Variants in PCNX3 observed in about 807,000 individuals in gnomAD.
The protein encoded by PCNX3 is pecanex 3.
A neutral mutation model predicts 207.2 loss-of-function variants in PCNX3; 58 were observed. The observed-to-expected ratio is 0.28, with a 90% CI of 0.23 to 0.35. The LOEUF is 0.35. Ranked by LOEUF, PCNX3 falls within the 10% of genes least tolerant of loss-of-function variation. PCNX3 has a pLI of 1.00. For missense variants in PCNX3, 2,410 were observed against 2,774.4 expected (o/e 0.87, Z 2.95); for synonymous variants, 1,337 against 1,183.5 (o/e 1.13, Z -2.66).
chr11:65,624,148 G>A, intron 13 of PCNX3, 47 bp from the exon 14 acceptor site: 1 of 1,578,016 alleles, frequency 6.3e-7, no homozygotes, highest in Non-Finnish European at 8.6e-7. Flanking sequence ...TGTGTCAGAG[G>A]TGTGGCCAGT....
chr11:65,616,311 C>T lies in PCNX3; in HGVS notation c.-1C>T. 6.3e-7 allele frequency: 1 copy of T among 1,576,218 alleles called. No individual in the cohort carries two copies. The highest frequency in any genetic ancestry group is 8.6e-7 in the Non-Finnish European group (1 of 1,165,998). On this transcript the variant is annotated 5_prime_UTR_variant, in exon 1 of 35. Coordinates refer to ENST00000355703, the MANE Select transcript of PCNX3 (RefSeq NM_032223.4). ...GGGGCGCGGGCAGCAGCGGCGGGGC[C>T]ATGGGGTCGCAGGTGTTGCAGATCC... is the stretch of plus-strand genomic sequence containing the variant.
intron 8 of PCNX3, 149 bp downstream of exon 8, chr11:65,620,081 T>C (rs764219938): frequency 6.9e-4 from 660 of 956,658 alleles, no homozygotes; most frequent in Non-Finnish European, 9.2e-4. Context: ...TGAGGCACGG[T>C]GTCTCTGTCA....
At position 65,625,080 on chromosome 11, in the gene PCNX3, G is replaced by T; in HGVS notation, c.2919+64G>T. The T allele has an allele frequency of 1.3e-6, 2 of 1,566,984 alleles. No homozygotes were observed. Among genetic ancestry groups the T allele is most frequent in the South Asian group, 1.1e-5 (1 of 88,518 alleles). ...GTAAGGGTGGTTGGGGCGGGGCTGT[G>T]AACTGGGCTCAGCAGTGGCTTCTCA... is the stretch of plus-strand genomic sequence containing the variant. On this transcript the variant is annotated intron_variant, in intron 16 of 34. Coordinates refer to ENST00000355703, the MANE Select transcript of PCNX3 (RefSeq NM_032223.4). The surrounding 1 kb of genome is among the most constrained non-coding windows in gnomAD (Gnocchi z 5.6).
Position 65,619,919 on chromosome 11 carries a change from C to G in PCNX3, c.1995C>G (p.Phe665Leu), listed in dbSNP as rs1476529296. Residue 665 changes from phenylalanine to leucine, a missense_variant, in exon 8 of 35, where the codon TTC becomes TTG. Around this residue, in one of 8 missense-constraint regions of PCNX3, gnomAD observed 1,104 missense variants for 970.3 expected, o/e 1.14. Transcript: ENST00000355703. ...DDTSEGAVHY[F>L]YDESGVRRSY... is the part of the protein sequence containing the mutation. ...CTTCTGAGGGTGCTGTGCACTATTT[C>G]TACGATGAGAGCGGTGAGCCTTTCC... 1 of 1,605,502 alleles carries G rather than the reference C, an allele frequency of 6.2e-7. No homozygotes were observed. Among genetic ancestry groups the G allele is most frequent in the East Asian group, 2.2e-5 (1 of 44,736 alleles).
chr11:65,619,401 G>A, intron 6 of PCNX3, 136 bp from the exon 7 acceptor site: 1 of 1,446,606 alleles, frequency 6.9e-7, no homozygotes, highest in East Asian at 2.5e-5. Flanking sequence ...GGGGCTGTGT[G>A]ACCTGGCTGG....
intron 27 of PCNX3, among the ~76,000 whole-genome samples, chr11:65,631,650 C>G (rs1038638642): frequency 1.1e-4 from 16 of 151,490 alleles, no homozygotes; most frequent in African/African-American, 3.9e-4. Context: ...CAGAGCAAGA[C>G]TGTCTCAAAA....
chr11:65,624,297 C>G lies in PCNX3; in HGVS notation c.2647C>G (p.Pro883Ala), dbSNP rs1420998768. 1.3e-6 allele frequency: 2 copies of G among 1,585,014 alleles called. No homozygotes were observed. The highest frequency in any genetic ancestry group is 1.7e-6 in the Non-Finnish European group (2 of 1,165,092). ...DALGSAQPFP[P>A]VSLYGLTLFS... ...CCTGGGCTCAGCTCAGCCCTTCCCACCTGTCTCCCTCTACGGCCTCACGCT... is the reference window on the plus strand; with the variant it reads ...CCTGGGCTCAGCTCAGCCCTTCCCAGCTGTCTCCCTCTACGGCCTCACGCT... Residue 883 changes from proline to alanine, a missense_variant, in exon 14 of 35, where the codon CCT becomes GCT. Physicochemically the swap from Pro to Ala is conservative, Grantham distance 27 (BLOSUM62 -1). Coordinates refer to ENST00000355703, the MANE Select transcript of PCNX3 (RefSeq NM_032223.4).
chr11:65,634,161 G>A lies in PCNX3; in HGVS notation c.4506G>A (p.Leu1502=). ...ACTACGTGAGCCGCTCACCAAAGCTGGAGGTGTGGCTCAGCCATGAGGGCA... is the reference window on the plus strand; with the variant it reads ...ACTACGTGAGCCGCTCACCAAAGCTAGAGGTGTGGCTCAGCCATGAGGGCA... ...IIYYVSRSPK[L]EVWLSHEGIT... Residue 1502 remains leucine (L), a synonymous_variant, in exon 28 of 35, where the codon CTG becomes CTA. Transcript: ENST00000355703. The A allele has an allele frequency of 6.2e-7, 1 of 1,613,324 alleles. No homozygotes were observed. The highest frequency in any genetic ancestry group is 1.1e-5 in the South Asian group (1 of 91,040).
rs1412844884 is a variant in PCNX3 at position 65,617,945 on chromosome 11, G to A, written c.583G>A (p.Asp195Asn). 1 of 1,573,672 alleles carries A rather than the reference G, an allele frequency of 6.4e-7. No individual in the cohort carries two copies. The highest frequency in any genetic ancestry group is 8.6e-7 in the Non-Finnish European group (1 of 1,162,574). Residue 195 changes from aspartate to asparagine, a missense_variant, in exon 6 of 35, where the codon GAC becomes AAC. This residue lies in a region of PCNX3 where 1,104 missense variants were observed against 970.3 expected (regional missense o/e 1.14). Transcript: ENST00000355703. ...GTTTCCCTTTATTTTGGCAGTTGGA[G>A]ACCTTCCCCAGACGCCTCCAGGGGC... ...KLSSQEKLIG[D>N]LPQTPPGAVP... is the part of the protein sequence containing the mutation.
At chr11:65,622,144 G>T (rs538079343) in intron 10 of PCNX3, 101 bp from the exon 11 acceptor site, 13 of 1,465,616 alleles carry the variant, frequency 8.9e-6, no homozygotes, top group East Asian at 2.5e-5. Context: ...GTGCTGAAGG[G>T]GGGTAACAGT....
rs760248868 is a variant in PCNX3, at chr11:65,635,250, G to C, written c.4986G>C (p.Glu1662Asp). The C allele has an allele frequency of 1.1e-5, 18 of 1,586,248 alleles. No individual in the cohort carries two copies. The highest frequency in any genetic ancestry group is 1.5e-5 in the Non-Finnish European group (18 of 1,166,708). The change falls in exon 31 of 35, where the codon GAG (glutamate) becomes GAC (aspartate). Residue 1662 changes from glutamate (E) to aspartate (D), a missense_variant. This residue lies in a region of PCNX3 where 420 missense variants were observed against 705.3 expected (regional missense o/e 0.60). Coordinates refer to ENST00000355703, the MANE Select transcript of PCNX3 (RefSeq NM_032223.4). This position sits in a 1 kb window ranked among gnomAD's most constrained non-coding sequence, Gnocchi z 9.9. ...TCACGTCCCCAGATGAATATGAGGA[G>C]CCAGCAGCCCTATACGATGCCATTG... ...DHFTSPDEYE[E>D]PAALYDAIAA...
In PCNX3 at chr11:65,620,953, T is replaced by G; in HGVS notation, c.2222T>G (p.Leu741Arg). ...GGCATGCAGGTGCGCCGGGTGCCCC[T>G]GGAGATCCCGGAGGTGAGGAGCAGC... ...LQGMQVRRVP[L>R]EIPEEQTLME... The change falls in exon 10 of 35, where the codon CTG (leucine) becomes CGG (arginine). Residue 741 changes from leucine (L) to arginine (R), a missense_variant. Leu to Arg is a moderately radical substitution (Grantham distance 102). Around this residue, in one of 8 missense-constraint regions of PCNX3, gnomAD observed 177 missense variants for 257.5 expected, o/e 0.69. Coordinates refer to ENST00000355703, the MANE Select transcript of PCNX3 (RefSeq NM_032223.4). 6.5e-7 allele frequency: 1 copy of G among 1,546,124 alleles called. No individual in the cohort carries two copies. The highest frequency in any genetic ancestry group is 8.7e-7 in the Non-Finnish European group (1 of 1,144,716).
chr11:65,623,583 C>T lies in PCNX3; in HGVS notation c.2450C>T (p.Thr817Ile). The change falls in exon 12 of 35, where the codon ACT becomes ATT. Residue 817 changes from threonine (T) to isoleucine (I), a missense_variant. Coordinates refer to ENST00000355703, the MANE Select transcript of PCNX3 (RefSeq NM_032223.4). ...GYLLLLKGFF[T>I]DIWVFQFCLV... Reference sequence around the variant, plus strand: ...CTGCTGCTGCTCAAGGGCTTCTTCACTGACATCTGGGTCTTCCAGTTCTGC... The same window carrying T: ...CTGCTGCTGCTCAAGGGCTTCTTCATTGACATCTGGGTCTTCCAGTTCTGC... The T allele has an allele frequency of 6.2e-7, 1 of 1,614,026 alleles. No individual in the cohort carries two copies. Among genetic ancestry groups the T allele is most frequent in the Admixed American group, 1.7e-5 (1 of 60,022 alleles).
At position 65,616,430 on chromosome 11, in the gene PCNX3, T is replaced by C; in HGVS notation, c.119T>C (p.Ile40Thr). The stretch of plus-strand genomic sequence containing the variant: ...AACTGCTTCCACCTCTATGTCTGGA[T>C]CTTCCTGCTCATCTTTCCCTTCTTA... ...FSNCFHLYVW[I>T]FLLIFPFLLY... The change falls in exon 1 of 35, where the codon ATC becomes ACC. Residue 40 changes from isoleucine to threonine, a missense_variant. Coordinates refer to ENST00000355703, the MANE Select transcript of PCNX3 (RefSeq NM_032223.4). 6.2e-7 allele frequency: 1 copy of C among 1,609,702 alleles called. No homozygotes were observed. The highest frequency in any genetic ancestry group is 8.5e-7 in the Non-Finnish European group (1 of 1,179,480).
At chr11:65,633,936 C>T (rs1459167563) in intron 27 of PCNX3, 190 bp from the exon 28 acceptor site, 3 of 613,088 alleles carry the variant, frequency 4.9e-6, no homozygotes, top group East Asian at 5.5e-5. Flanking sequence ...GGCTTTGTCA[C>T]TCCTCCCTGG....
rs771927772 is a variant in PCNX3, at chr11:65,619,039, G to T, written c.1677G>T (p.Glu559Asp). 1 of 1,592,720 alleles carries T rather than the reference G, an allele frequency of 6.3e-7. No homozygotes were observed. Among genetic ancestry groups the T allele is most frequent in the Non-Finnish European group, 8.5e-7 (1 of 1,177,354 alleles). The change falls in exon 6 of 35, where the codon GAG becomes GAT. Residue 559 changes from glutamate to aspartate, a missense_variant. Physicochemically the swap from Glu to Asp is conservative, Grantham distance 45. Transcript: ENST00000355703. ...CCAACCAGCCCGGCTGGCGGGGGGA[G>T]CTGCAGGAGGAAGGTGCTGTGGGGG... ...PAANQPGWRG[E>D]LQEEGAVGGA...
chr11:65,624,064 C>A (rs1342335032), intron 13 of PCNX3, 103 bp downstream of exon 13: 11 of 1,567,980 alleles, frequency 7.0e-6, no homozygotes, highest in African/African-American at 5.4e-5. Context: ...TCCCTCACCA[C>A]CCCCATCACC....
At position 65,625,416 on chromosome 11, in the gene PCNX3, G is replaced by T; in HGVS notation, c.3041G>T (p.Arg1014Leu). Residue 1014 changes from arginine (R) to leucine (L), a missense_variant, in exon 18 of 35, where the codon CGG (arginine) becomes CTG (leucine). This residue lies in a region of PCNX3 where 333 missense variants were observed against 386.8 expected (regional missense o/e 0.86). Coordinates refer to ENST00000355703, the MANE Select transcript of PCNX3 (RefSeq NM_032223.4). The surrounding 1 kb of genome is among the most constrained non-coding windows in gnomAD (Gnocchi z 5.6). ...TTCCTCACCCCCAGGTCTCTGATCC[G>T]GAGCAAGCTGTTCCCTGAGCTGGAG... ...SDPTVLWSLI[R>L]SKLFPELEER... The T allele has an allele frequency of 6.2e-7, 1 of 1,604,720 alleles. No individual in the cohort carries two copies.
At chr11:65,632,061 C>T (rs1037983599) in intron 27 of PCNX3, among the ~76,000 whole-genome samples, 2 of 152,014 alleles carry the variant, frequency 1.3e-5, no homozygotes, top group East Asian at 1.9e-4. Flanking sequence ...ACCTTCCGGT[C>T]CCATCTTGAG....
Sources: gnomAD v4.1 joint callset for allele counts (sites outside exome capture counted in the v4.1 genomes callset) on GRCh38, gnomAD v4.1.1 for gene constraint, gnomAD v4.1.1 regional missense constraint, Gnocchi (gnomAD v3.1) non-coding constraint, MANE v1.5 for transcripts, NCBI Gene and HGNC (gene_info 2026-07-23, HGNC 2026-07-21) for gene names.